The following SNTB1 variants were observed in gnomAD, a reference collection of about 807,000 sequenced individuals.
SNTB1 encodes beta-1-syntrophin.
A neutral mutation model predicts 48.9 loss-of-function variants in SNTB1; 36 were observed. The observed-to-expected ratio is 0.74, with a 90% CI of 0.56 to 0.97. SNTB1 has a LOEUF of 0.97. Among genes scored for constraint, SNTB1 ranks in the 50% least tolerant of loss-of-function variants. The pLI is 0.00. For synonymous variants in SNTB1, 299 were observed against 294.6 expected, an observed-to-expected ratio of 1.01 and a Z score of -0.15; for missense variants, 786 against 703.4, an observed-to-expected ratio of 1.12 and a Z score of -1.33.
chr8:120,778,939 T>C (rs572435635), intron 1 of SNTB1, among the ~76,000 whole-genome samples: 7 of 152,354 alleles, frequency 4.6e-5, no homozygotes, highest in African/African-American at 1.4e-4. Context: ...GCAGGCTCAA[T>C]GCCTAGTGAG....
chr8:120,694,074 ATTAT>A (rs1818171597), intron 1 of SNTB1, among the ~76,000 whole-genome samples, 166 bp from the exon 2 acceptor site: 1 of 84,422 alleles, frequency 1.2e-5, no homozygotes, highest in African/African-American at 5.6e-5. Flanking sequence ...TAATTATCTT[ATTAT>A]TTAAATTATA....
intron 3 of SNTB1, among the ~76,000 whole-genome samples, chr8:120,612,204 G>A (rs148857895): frequency 1.1e-3 from 167 of 152,284 alleles, no homozygotes; most frequent in African/African-American, 3.9e-3. Flanking sequence ...CCATTACTAC[G>A]AATGAGATCT....
chr8:120,692,663 A>G (rs1818148663), intron 2 of SNTB1, among the ~76,000 whole-genome samples: 1 of 152,126 alleles, frequency 6.6e-6, no homozygotes, highest in Non-Finnish European at 1.5e-5. Flanking sequence ...ACAGCATTCC[A>G]GACTTGGACC....
At chr8:120,552,317 A>G (rs1815494274) in intron 4 of SNTB1, among the ~76,000 whole-genome samples, 1 of 152,216 alleles carries the variant, frequency 6.6e-6, no homozygotes, top group Non-Finnish European at 1.5e-5. Flanking sequence ...TACCCTGAAC[A>G]GGGAGAGCTT....
In SNTB1 at chr8:120,811,279, G is replaced by A. The variant is rs960446611; in HGVS notation, c.565C>T (p.Leu189=). The A allele has an allele frequency of 6.3e-7, 1 of 1,598,044 alleles. No individual in the cohort carries two copies. The highest frequency in any genetic ancestry group is 8.5e-7 in the Non-Finnish European group (1 of 1,176,986). ...ALKRAGKEVL[L]EVKYMREATP... is the part of the protein sequence containing the mutation. ...CGCGCTGTTAACCCCTTACCTTCCA[G>A]CAGCACTTCCTTGCCCGCGCGCTTC... is the stretch of plus-strand genomic sequence containing the variant. The change falls in exon 1 of 7, where the codon CTG becomes TTG. Residue 189 remains leucine, a synonymous_variant. Transcript: ENST00000517992.
chr8:120,665,148 T>G (rs1262789206), intron 2 of SNTB1, among the ~76,000 whole-genome samples: 1 of 152,138 alleles, frequency 6.6e-6, no homozygotes, highest in Admixed American at 6.6e-5. Flanking sequence ...AATTTAGAGA[T>G]TTTTTAAATA....
chr8:120,692,049 C>T (rs1252922247), intron 2 of SNTB1, among the ~76,000 whole-genome samples: 1 of 152,180 alleles, frequency 6.6e-6, no homozygotes, highest in African/African-American at 2.4e-5. Context: ...AGCTCTGTGT[C>T]CTTCCCAGTC....
At chr8:120,656,510 T>A (rs1470685989) in intron 2 of SNTB1, among the ~76,000 whole-genome samples, 1 of 152,188 alleles carries the variant, frequency 6.6e-6, no homozygotes, top group Non-Finnish European at 1.5e-5. Flanking sequence ...ATATCATCTA[T>A]ACCTCCCAAA....
At chr8:120,594,973 T>A (rs990233794) in intron 3 of SNTB1, among the ~76,000 whole-genome samples, 3 of 151,966 alleles carry the variant, frequency 2.0e-5, no homozygotes, top group African/African-American at 7.3e-5. Context: ...CAATTTTATG[T>A]TATGTATATT....
At chr8:120,772,315 G>A (rs770092819) in intron 1 of SNTB1, among the ~76,000 whole-genome samples, 4 of 151,124 alleles carry the variant, frequency 2.6e-5, no homozygotes, top group Non-Finnish European at 4.4e-5. Flanking sequence ...GCGTGATCTC[G>A]GCTCACTGCA....
intron 3 of SNTB1, among the ~76,000 whole-genome samples, chr8:120,599,201 A>T (rs1383209563): frequency 6.6e-6 from 1 of 152,248 alleles, no homozygotes; most frequent in Non-Finnish European, 1.5e-5. Context: ...AGATTTAAAG[A>T]GTGAGAACAA....
chr8:120,740,799 C>T, intron 1 of SNTB1, among the ~76,000 whole-genome samples: 1 of 151,616 alleles, frequency 6.6e-6, no homozygotes. Context: ...TTTTTTGCAG[C>T]ACATAAAATT....
intron 1 of SNTB1, among the ~76,000 whole-genome samples, chr8:120,778,984 G>C (rs1194642558): frequency 6.6e-6 from 1 of 152,128 alleles, no homozygotes; most frequent in Non-Finnish European, 1.5e-5. Context: ...TCATTCATTT[G>C]TTTATTTATT....
intron 3 of SNTB1, among the ~76,000 whole-genome samples, chr8:120,616,349 G>A (rs1255134915): frequency 1.3e-5 from 2 of 150,760 alleles, no homozygotes; most frequent in Non-Finnish European, 3.0e-5. Flanking sequence ...ACATGGCCTG[G>A]GGTACAGTGG....
At chr8:120,552,052 G>T (rs190169929) in intron 4 of SNTB1, among the ~76,000 whole-genome samples, 10 of 152,168 alleles carry the variant, frequency 6.6e-5, no homozygotes, top group Admixed American at 6.5e-4. Flanking sequence ...ACGATCCAGA[G>T]CCAGCATAAA....
chr8:120,735,403 T>C (rs1818926264), intron 1 of SNTB1, among the ~76,000 whole-genome samples: 1 of 152,052 alleles, frequency 6.6e-6, no homozygotes, highest in South Asian at 2.1e-4. Flanking sequence ...CTTACACAAT[T>C]TATATGTTGA....
chr8:120,649,227 G>A (rs938815839), intron 2 of SNTB1, among the ~76,000 whole-genome samples: 12 of 151,792 alleles, frequency 7.9e-5, no homozygotes, highest in African/African-American at 2.9e-4. Flanking sequence ...CGTTCCCTTG[G>A]AGGAGGAGAG....
In SNTB1 at chr8:120,537,403, A is replaced by G. The variant is rs1385159435; in HGVS notation, c.*1474T>C. ...AGTCAAGCCCCTTGGAACTAGCGTC[A>G]TATGATATATTCTTTGGGGAAATGC... On this transcript the variant is annotated 3_prime_UTR_variant, in exon 7 of 7. Coordinates refer to ENST00000517992, the MANE Select transcript of SNTB1 (RefSeq NM_021021.4). 1 of 152,212 alleles carries G rather than the reference A, an allele frequency of 6.6e-6. No individual in the cohort carries two copies. Among genetic ancestry groups the G allele is most frequent in the African/African-American group, 2.4e-5 (1 of 41,464 alleles). 9.4% of individuals were successfully genotyped at this position (152,212 alleles called of 1,614,324 possible). A position where few individuals can be genotyped will look rare whatever the true frequency, so the allele number is the denominator to read the frequency against.
At chr8:120,587,761 G>T (rs1033513929) in intron 3 of SNTB1, among the ~76,000 whole-genome samples, 2 of 152,068 alleles carry the variant, frequency 1.3e-5, no homozygotes, top group Non-Finnish European at 2.9e-5. Context: ...AGGTGTGAGC[G>T]GTCCATACTC....
Sources: allele counts gnomAD v4.1 joint callset (sites outside exome capture counted in the v4.1 genomes callset), GRCh38; gene constraint gnomAD v4.1.1; transcripts MANE v1.5; gene names NCBI Gene and HGNC (gene_info 2026-07-23, HGNC 2026-07-21).